RSPH6A: variants seen among roughly 807,000 people sequenced by gnomAD.
RSPH6A encodes radial spoke head protein 6 homolog A.
Under a neutral mutation model 66.1 loss-of-function variants are expected in RSPH6A, and 49 were observed. The ratio of observed to expected loss-of-function variants is 0.74; its 90% confidence interval spans 0.59 to 0.94. The LOEUF (loss-of-function observed/expected upper bound fraction) is 0.94. Ranked by LOEUF, RSPH6A falls within the 40% of genes least tolerant of loss-of-function variation. The pLI is 0.00. For missense variants in RSPH6A, 977 were observed against 948.3 expected, an observed-to-expected ratio of 1.03 and a Z score of -0.40; for synonymous variants, 419 against 402.4, an observed-to-expected ratio of 1.04 and a Z score of -0.49.
chr19:45,802,287 G>T, intron 3 of RSPH6A, 23 bp from the exon 4 acceptor site: 1 of 1,348,660 alleles, frequency 7.4e-7, no homozygotes, highest in Non-Finnish European at 9.7e-7. Flanking sequence ...GGAAGCTCAG[G>T]TGATGGCCCC....
chr19:45,813,665 G>C (rs1404263269), intron 1 of RSPH6A, among the ~76,000 whole-genome samples: 1 of 152,192 alleles, frequency 6.6e-6, no homozygotes, highest in Non-Finnish European at 1.5e-5. Context: ...TATTTCATGT[G>C]TTCCCTAGCC....
In RSPH6A at chr19:45,796,085, G is replaced by A. The variant is rs199707767; in HGVS notation, c.1938C>T (p.Ile646=). 7.0e-5 allele frequency: 111 copies of A among 1,577,898 alleles called. 2 individuals are homozygous for A. The highest frequency in any genetic ancestry group is 6.9e-4 in the Admixed American group (39 of 56,636). The change falls in exon 6 of 6, where the codon ATC becomes ATT. Residue 646 remains isoleucine (I), a synonymous_variant. Transcript: ENST00000221538. ...CGGGGCTGTACTTGTGACCCCAGCC[G>A]ATGTAGATGTTCTCAAACTTTCTGG... The part of the protein sequence containing the change: ...ASGKKFENIY[I]GWGHKYSPES...
In RSPH6A at chr19:45,815,086, C is replaced by T. The variant is rs1970688159; in HGVS notation, c.91G>A (p.Asp31Asn). Residue 31 changes from aspartate (D) to asparagine (N), a missense_variant, in exon 1 of 6, where the codon GAC (aspartate) becomes AAC (asparagine). Physicochemically the swap from Asp to Asn is conservative, Grantham distance 23. Coordinates refer to ENST00000221538, the MANE Select transcript of RSPH6A (RefSeq NM_030785.4). The part of the protein sequence containing the change: ...SQASQRRHSR[D>N]QAQALAADPE... Reference sequence around the variant, plus strand: ...TCCGCTGCCAGGGCCTGAGCTTGGTCCCGACTGTGCCGCCTCTGGGAGGCC... The same window carrying T: ...TCCGCTGCCAGGGCCTGAGCTTGGTTCCGACTGTGCCGCCTCTGGGAGGCC... The T allele has an allele frequency of 6.2e-7, 1 of 1,613,266 alleles. No individual in the cohort carries two copies. The highest frequency in any genetic ancestry group is 8.5e-7 in the Non-Finnish European group (1 of 1,180,026).
At chr19:45,807,006 G>GC (rs1356927685) in intron 2 of RSPH6A, among the ~76,000 whole-genome samples, 3 of 150,706 alleles carry the variant, frequency 2.0e-5, no homozygotes, top group African/African-American at 7.3e-5. Context: ...CCATTCTCCT[G>GC]CCTCAGCCTC....
chr19:45,796,945 T>C (rs114807523), intron 5 of RSPH6A, among the ~76,000 whole-genome samples: 4,026 of 152,230 alleles, frequency 0.026, 171 homozygotes, highest in African/African-American at 0.092. Context: ...AGCACGTACC[T>C]GTGGTTCCAG....
intron 5 of RSPH6A, among the ~76,000 whole-genome samples, chr19:45,799,684 T>G (rs1970446396): frequency 6.6e-6 from 1 of 152,106 alleles, no homozygotes; most frequent in African/African-American, 2.4e-5. Context: ...GGCCCAAGCT[T>G]GCCATTCTTT....
chr19:45,800,259 C>G (rs1970453347), intron 5 of RSPH6A, among the ~76,000 whole-genome samples, 187 bp downstream of exon 5: 1 of 152,188 alleles, frequency 6.6e-6, no homozygotes, highest in Admixed American at 6.5e-5. Context: ...AAGACCCATC[C>G]TAGTGGGCTG....
chr19:45,800,442 C>A lies in RSPH6A; in HGVS notation c.1916+4G>T. 6.2e-7 allele frequency: 1 copy of A among 1,610,614 alleles called. No individual in the cohort carries two copies. Among genetic ancestry groups the A allele is most frequent in the East Asian group, 2.2e-5 (1 of 44,794 alleles). On this transcript the variant is annotated splice_donor_region_variant and intron_variant, in intron 5 of 5. Coordinates refer to ENST00000221538, the MANE Select transcript of RSPH6A (RefSeq NM_030785.4). ...CTGCTGGGAGGGGCTGGGGGAAGAC[C>A]TACTTGCCACTGGCATAGGCATAGG... is the stretch of plus-strand genomic sequence containing the variant.
chr19:45,801,164 C>T (rs906038263), intron 4 of RSPH6A, among the ~76,000 whole-genome samples: 1 of 152,152 alleles, frequency 6.6e-6, no homozygotes, highest in Non-Finnish European at 1.5e-5. Context: ...GTGGCTGCAC[C>T]CAGGAAATGG....
At chr19:45,800,656 G>T in intron 4 of RSPH6A, 93 bp from the exon 5 acceptor site, 1 of 1,090,694 alleles carries the variant, frequency 9.2e-7, no homozygotes, top group Admixed American at 2.7e-5. Flanking sequence ...AGCAGTGAGG[G>T]AGGCCTGGAG....
In RSPH6A at chr19:45,809,464, C is replaced by A. The variant is rs959164620; in HGVS notation, c.888+1139G>T. ...GGACTACAGGTGCCCGCCACCATGC[C>A]CGGCTAATTTTTTGTATTCTTAGTA... On this transcript the variant is annotated intron_variant, in intron 2 of 5. Coordinates refer to ENST00000221538, the MANE Select transcript of RSPH6A (RefSeq NM_030785.4). 3.4e-4 allele frequency among the ~76,000 whole-genome samples: 52 copies of A among 151,360 alleles called. 2 individuals carry two copies. Among genetic ancestry groups the A allele is most frequent in the Non-Finnish European group, 4.4e-5 (3 of 67,920 alleles).
At chr19:45,799,222 T>C (rs754278555) in intron 5 of RSPH6A, among the ~76,000 whole-genome samples, 7 of 152,208 alleles carry the variant, frequency 4.6e-5, no homozygotes, top group Admixed American at 1.3e-4. Context: ...TGGACAAAGC[T>C]GGTAGGTGCG....
intron 5 of RSPH6A, among the ~76,000 whole-genome samples, chr19:45,797,741 G>A (rs538051891): frequency 9.7e-4 from 147 of 151,980 alleles, no homozygotes; most frequent in African/African-American, 3.5e-3. Flanking sequence ...GGTAGTGGGC[G>A]CCTGTAGTCC....
At position 45,805,033 on chromosome 19, in the gene RSPH6A, G is replaced by A; in HGVS notation, c.889-17C>T. ...TGTCTCCCCCTGCGCAGGGTAGGGT[G>A]GAGGGCAGAGGGGAGAATGCTGAAG... On this transcript the variant is annotated splice_polypyrimidine_tract_variant and intron_variant, in intron 2 of 5. Transcript: ENST00000221538. 9 of 1,585,306 alleles carry A rather than the reference G, an allele frequency of 5.7e-6. No individual in the cohort carries two copies. Among genetic ancestry groups the A allele is most frequent in the Non-Finnish European group, 7.7e-6 (9 of 1,165,926 alleles).
chr19:45,798,209 A>G (rs1483788270), intron 5 of RSPH6A, among the ~76,000 whole-genome samples: 1 of 151,862 alleles, frequency 6.6e-6, no homozygotes, highest in Non-Finnish European at 1.5e-5. Context: ...AAATACAAAA[A>G]TTAGCTGGGC....
At chr19:45,798,995 T>TG (rs1333308750) in intron 5 of RSPH6A, among the ~76,000 whole-genome samples, 1 of 152,118 alleles carries the variant, frequency 6.6e-6, no homozygotes, top group African/African-American at 2.4e-5. Context: ...AGAGGAATGT[T>TG]GGCATATCAG....
rs1418143821 is a variant in RSPH6A, at chr19:45,815,248, G to A, written c.-72C>T. The A allele has an allele frequency of 2.8e-6, 4 of 1,418,720 alleles. No homozygotes were observed. The highest frequency in any genetic ancestry group is 1.9e-6 in the Non-Finnish European group (2 of 1,075,486). 87.9% of individuals were successfully genotyped at this position (1,418,720 alleles called of 1,614,324 possible). On this transcript the variant is annotated 5_prime_UTR_variant, in exon 1 of 6. Coordinates refer to ENST00000221538, the MANE Select transcript of RSPH6A (RefSeq NM_030785.4). ...GGAGGCCAAGCGAGAGCCACCTGTC[G>A]ACACCGCCGGTTTCTGAGCACCGAG...
intron 5 of RSPH6A, among the ~76,000 whole-genome samples, chr19:45,799,458 C>T (rs1356668823): frequency 6.6e-6 from 1 of 152,218 alleles, no homozygotes; most frequent in Non-Finnish European, 1.5e-5. Flanking sequence ...ATCTCCTGGG[C>T]TCAAGCAATC....
intron 1 of RSPH6A, among the ~76,000 whole-genome samples, chr19:45,814,232 C>T (rs1228627079): frequency 6.6e-6 from 1 of 152,108 alleles, no homozygotes; most frequent in Non-Finnish European, 1.5e-5. Flanking sequence ...CATATCCTAG[C>T]TGTGTAGTTT....
Sources: gnomAD v4.1 joint callset for allele counts (sites outside exome capture counted in the v4.1 genomes callset) on GRCh38, gnomAD v4.1.1 for gene constraint, MANE v1.5 for transcripts, NCBI Gene and HGNC (gene_info 2026-07-23, HGNC 2026-07-21) for gene names.